The following CEP68 variants were observed in gnomAD, a reference collection of about 807,000 sequenced individuals.
CEP68 encodes the protein centrosomal protein of 68 kDa.
Under a neutral mutation model 55.3 loss-of-function variants are expected in CEP68, and 26 were observed. The ratio of observed to expected loss-of-function variants is 0.47; its 90% CI spans 0.34 to 0.65. The LOEUF (loss-of-function observed/expected upper bound fraction) is 0.65. Among genes scored for constraint, CEP68 ranks in the 30% least tolerant of loss-of-function variants. The pLI, the probability that CEP68 is intolerant of heterozygous loss-of-function variation, is 0.01. For synonymous variants in CEP68, 402 were observed against 383.2 expected (o/e 1.05, Z -0.57); for missense variants, 957 against 946.7 (o/e 1.01, Z -0.14).
At chr2:65,073,178 A>G (rs539208357) in intron 3 of CEP68, 198 bp downstream of exon 3, 8 of 702,496 alleles carry the variant, frequency 1.1e-5, no homozygotes, top group African/African-American at 1.1e-4. Context: ...TGGAGGAAAG[A>G]GCAGAGAGAG....
At chr2:65,067,369 G>A (rs956988091) in intron 1 of CEP68, among the ~76,000 whole-genome samples, 4 of 152,010 alleles carry the variant, frequency 2.6e-5, no homozygotes, top group Non-Finnish European at 4.4e-5. Context: ...GGGTGATGGA[G>A]CAAGACTCAG....
At chr2:65,082,125 C>T (rs760236416) in intron 5 of CEP68, among the ~76,000 whole-genome samples, 1 of 152,224 alleles carries the variant, frequency 6.6e-6, no homozygotes, top group Non-Finnish European at 1.5e-5. Flanking sequence ...ACTGATAGAC[C>T]TGGTAGCAGG....
rs141367211 is a variant in CEP68 at position 65,076,739 on chromosome 2, T to C, written c.2008-1129T>C. 5.9e-5 allele frequency among the ~76,000 whole-genome samples: 9 copies of C among 152,000 alleles called. No individual in the cohort carries two copies. The East Asian group carries it at 1.7e-3, about 29-fold the overall frequency. On this transcript the variant is annotated intron_variant, in intron 4 of 6. Coordinates refer to ENST00000377990, the MANE Select transcript of CEP68 (RefSeq NM_015147.3). ...TAAAGGAAAACTGAAGACAGGAAAA[T>C]AGTAAATCCAAGGGTAAAACTATCA... is the stretch of plus-strand genomic sequence containing the variant.
rs1668895365 is a variant in CEP68 at position 65,082,821 on chromosome 2, GGAA to G, written c.*4+118_*4+120del. ...CTATTATTTAAACAAATGAGATACT[GGAA>G]GAAGACAGCCAATGGTACTAAAAAA... is the stretch of plus-strand genomic sequence containing the variant. On this transcript the variant is annotated intron_variant, in intron 6 of 6. Coordinates refer to ENST00000377990, the MANE Select transcript of CEP68 (RefSeq NM_015147.3). 4.6e-6 allele frequency: 4 copies of G among 878,934 alleles called. No homozygotes were observed. The East Asian group carries it at 1.2e-4, about 26-fold the overall frequency. The allele number at this position is 878,934 out of a possible 1,614,324, so 54.4% of individuals were successfully genotyped here.
rs1668971475 is a variant in CEP68, at chr2:65,084,520, A to AT, written c.*888dup. 1.2e-5 allele frequency: 1 copy of AT among 81,386 alleles called. No homozygotes were observed. Among genetic ancestry groups the AT allele is most frequent in the South Asian group, 3.9e-4 (1 of 2,572 alleles). The allele number at this position is 81,386 out of a possible 1,614,324, so 5.0% of individuals were successfully genotyped here. On this transcript the variant is annotated 3_prime_UTR_variant, in exon 7 of 7. Transcript: ENST00000377990. ...TTGGCATTGACACATAAGTACTTTG[A>AT]TTAAAAAAAAAAAAAACTATGGATC...
intron 5 of CEP68, among the ~76,000 whole-genome samples, chr2:65,081,885 C>T (rs1464082073): frequency 6.6e-6 from 1 of 152,162 alleles, no homozygotes; most frequent in African/African-American, 2.4e-5. Flanking sequence ...TTAGTAGAGA[C>T]GGGGTTTCTC....
rs200403553 is a variant in CEP68 at position 65,082,631 on chromosome 2, A to C, written c.2200A>C (p.Met734Leu). ...TGACTCTATCTTGGCCTCTCTGGAC[A>C]TGCTGGCTGGCTGCACCCTTATCCC... The part of the protein sequence containing the change: ...LYDSILASLD[M>L]LAGCTLIPDK... The change falls in exon 6 of 7, where the codon ATG becomes CTG. Residue 734 changes from methionine to leucine, a missense_variant. By Grantham distance (15) the Met-to-Leu change is conservative. Coordinates refer to ENST00000377990, the MANE Select transcript of CEP68 (RefSeq NM_015147.3). The C allele has an allele frequency of 6.2e-7, 1 of 1,612,456 alleles. No homozygotes were observed. The highest frequency in any genetic ancestry group is 1.7e-4 in the Middle Eastern group (1 of 5,830).
intron 3 of CEP68, chr2:65,073,496 A>G (rs2103781071): frequency 5.1e-6 from 1 of 196,576 alleles, no homozygotes; most frequent in Middle Eastern, 2.3e-3. Flanking sequence ...TGTGAACCAA[A>G]TGACTTAATA....
chr2:65,078,891 A>G (rs1197556948), intron 5 of CEP68, among the ~76,000 whole-genome samples: 1 of 152,198 alleles, frequency 6.6e-6, no homozygotes, highest in African/African-American at 2.4e-5. Context: ...GAAAGTGAAA[A>G]TCACAGACCT....
At chr2:65,064,853 A>G (rs1400123043) in intron 1 of CEP68, among the ~76,000 whole-genome samples, 1 of 152,188 alleles carries the variant, frequency 6.6e-6, no homozygotes, top group Non-Finnish European at 1.5e-5. Context: ...TTATGAAAAC[A>G]AAACTTGCCT....
At position 65,084,091 on chromosome 2, in the gene CEP68, A is replaced by C. The variant is rs907079902; in HGVS notation, c.*457A>C. On this transcript the variant is annotated 3_prime_UTR_variant, in exon 7 of 7. Transcript: ENST00000377990. ...AAACCTTGGGTCTTTTCATAAAAGGAAATTTGGGCTTGTCAATCCCTCTTT... is the reference window on the plus strand; with the variant it reads ...AAACCTTGGGTCTTTTCATAAAAGGCAATTTGGGCTTGTCAATCCCTCTTT... 2 of 152,222 alleles carry C rather than the reference A, an allele frequency of 1.3e-5. No individual in the cohort carries two copies. The highest frequency in any genetic ancestry group is 2.4e-5 in the African/African-American group (1 of 41,464). 9.4% of individuals were successfully genotyped at this position (152,222 alleles called of 1,614,324 possible). A position where few individuals can be genotyped will look rare whatever the true frequency, so the allele number is the denominator to read the frequency against.
intron 2 of CEP68, among the ~76,000 whole-genome samples, chr2:65,070,475 C>T (rs1006784803): frequency 2.0e-5 from 3 of 151,754 alleles, no homozygotes; most frequent in African/African-American, 7.3e-5. Context: ...CTTGCCAAGG[C>T]CTTTCCTGGG....
In CEP68 at chr2:65,084,585, G is replaced by A. The variant is rs935402358; in HGVS notation, c.*951G>A. ...TCAATTCTATAGCTTTTTGCAGCAA[G>A]ATGATCAGTTATTGCTGGTAACTGC... On this transcript the variant is annotated 3_prime_UTR_variant, in exon 7 of 7. Coordinates refer to ENST00000377990, the MANE Select transcript of CEP68 (RefSeq NM_015147.3). The A allele has an allele frequency of 6.6e-6, 1 of 151,008 alleles. No individual in the cohort carries two copies. The highest frequency in any genetic ancestry group is 2.4e-5 in the African/African-American group (1 of 41,124). 9.4% of individuals were successfully genotyped at this position (151,008 alleles called of 1,614,324 possible). A position where few individuals can be genotyped will look rare whatever the true frequency, so the allele number is the denominator to read the frequency against.
intron 1 of CEP68, among the ~76,000 whole-genome samples, chr2:65,066,743 A>ATATATATAT (rs1394424081): frequency 1.8e-4 from 16 of 88,810 alleles, no homozygotes; most frequent in African/African-American, 8.2e-4. Context: ...AAAAAAAAAA[A>ATATATATAT]AAATATATAT....
rs1668975506 is a variant in CEP68 at position 65,084,626 on chromosome 2, G to A, written c.*992G>A. The A allele has an allele frequency of 6.6e-6, 1 of 152,082 alleles. No individual in the cohort carries two copies. Among genetic ancestry groups the A allele is most frequent in the Non-Finnish European group, 1.5e-5 (1 of 68,030 alleles). The allele number at this position is 152,082 out of a possible 1,614,324, so 9.4% of individuals were successfully genotyped here. Reference sequence around the variant, plus strand: ...TGGTAACTGCAGATTCTACAGAAAAGCACTTTTAAAGTTCTGTTGGGCCAT... The same window carrying A: ...TGGTAACTGCAGATTCTACAGAAAAACACTTTTAAAGTTCTGTTGGGCCAT... On this transcript the variant is annotated 3_prime_UTR_variant, in exon 7 of 7. Transcript: ENST00000377990.
intron 2 of CEP68, among the ~76,000 whole-genome samples, chr2:65,070,015 A>C (rs1676385983): frequency 6.6e-6 from 1 of 152,144 alleles, no homozygotes; most frequent in Admixed American, 6.5e-5. Context: ...CCTGTTCCTC[A>C]AGAGTGACTG....
Position 65,072,031 on chromosome 2 carries a change from G to A in CEP68, c.935G>A (p.Gly312Glu), listed in dbSNP as rs144387533. The A allele has an allele frequency of 1.2e-5, 20 of 1,613,314 alleles. No homozygotes were observed. The highest frequency in any genetic ancestry group is 1.7e-5 in the Non-Finnish European group (20 of 1,179,972). Residue 312 changes from glycine (G) to glutamate (E), a missense_variant, in exon 3 of 7, where the codon GGG becomes GAG. Gly to Glu is a moderately conservative substitution (Grantham distance 98). Transcript: ENST00000377990. Reference sequence around the variant, plus strand: ...GACTATACTTACCCACTGAGGCCCGGGCCTCAGCTCCCAAAGCACCTTGAT... The same window carrying A: ...GACTATACTTACCCACTGAGGCCCGAGCCTCAGCTCCCAAAGCACCTTGAT... ...LLDYTYPLRP[G>E]PQLPKHLDSR...
intron 3 of CEP68, chr2:65,073,328 T>C: frequency 2.8e-6 from 1 of 360,630 alleles, no homozygotes; most frequent in Non-Finnish European, 5.4e-6. Flanking sequence ...AAAAAAGGTT[T>C]TGTGCACAGA....
chr2:65,069,762 C>G lies in CEP68; in HGVS notation c.318C>G (p.Thr106=). 6.2e-7 allele frequency: 1 copy of G among 1,614,098 alleles called. No homozygotes were observed. Among genetic ancestry groups the G allele is most frequent in the Non-Finnish European group, 8.5e-7 (1 of 1,180,036 alleles). The change falls in exon 2 of 7, where the codon ACC becomes ACG. Residue 106 remains threonine, a synonymous_variant. Coordinates refer to ENST00000377990, the MANE Select transcript of CEP68 (RefSeq NM_015147.3). ...CACTCAGTGGCCTGCCTCCTGCCAC[C>G]ATGGGGTCTGGAGACCTTCTGCTCT... ...EPALSGLPPA[T]MGSGDLLLSG... is the part of the protein sequence containing the mutation.
Sources: gnomAD v4.1 joint callset for allele counts (sites outside exome capture counted in the v4.1 genomes callset) on GRCh38, gnomAD v4.1.1 for gene constraint, MANE v1.5 for transcripts, NCBI Gene and HGNC (gene_info 2026-07-23, HGNC 2026-07-21) for gene names.